CUX1: variants seen among roughly 807,000 people sequenced by gnomAD.
CUX1 encodes cut like homeobox 1, also known as protein CASP.
A neutral mutation model predicts 158.8 loss-of-function variants in CUX1; 31 were observed. That is an observed-to-expected ratio of 0.20 (90% CI 0.15 to 0.26). The LOEUF is 0.26. CUX1 is among the 10% of genes least tolerant of loss of function. CUX1 has a pLI of 1.00. For missense variants in CUX1, 1,589 were observed against 2,014.6 expected (o/e 0.79, Z 4.04); for synonymous variants, 879 against 862.1 (o/e 1.02, Z -0.34).
At chr7:102,035,652 C>CA (rs10699446) in intron 3 of CUX1, among the ~76,000 whole-genome samples, 33,370 of 90,572 alleles carry the variant, frequency 0.37, 7,940 homozygotes, top group East Asian at 0.92. Flanking sequence ...GATAGCCAGC[C>CA]AAAAAAAAAA....
chr7:101,913,071 C>T (rs1053498798), intron 1 of CUX1: 7 of 171,178 alleles, frequency 4.1e-5, no homozygotes, highest in African/African-American at 1.7e-4. Context: ...ATCGCTGTCT[C>T]CTCCCACAGC....
intron 3 of CUX1, among the ~76,000 whole-genome samples, chr7:102,058,377 G>A (rs59016996): frequency 0.061 from 9,287 of 152,086 alleles, 888 homozygotes; most frequent in African/African-American, 0.21. Flanking sequence ...GGGTTCAAGC[G>A]ATTCTCATGC....
At chr7:102,229,069 T>C (rs1048897161) in intron 21 of CUX1, among the ~76,000 whole-genome samples, 1 of 152,206 alleles carries the variant, frequency 6.6e-6, no homozygotes, top group African/African-American at 2.4e-5. Flanking sequence ...ATTGTTATTT[T>C]ATCATTGCTG....
rs757558113 is a variant in CUX1 at position 102,255,669 on chromosome 7, G to A, written c.*6627G>A. 4.5e-4 allele frequency: 444 copies of A among 985,138 alleles called. No individual in the cohort carries two copies. The highest frequency in any genetic ancestry group is 5.2e-4 in the Middle Eastern group (1 of 1,936). The allele number at this position is 985,138 out of a possible 1,614,324, so 61.0% of individuals were successfully genotyped here. ...AAGGTGCCTTATATCCCAATGTCAC[G>A]GCTACATCCCTATGGAAATTAATCA... On this transcript the variant is annotated 3_prime_UTR_variant, in exon 24 of 24. Transcript: ENST00000292535.
At chr7:102,168,918 CTTTTCTTTTCTTTTATTTTCT>C (rs1791385087) in intron 9 of CUX1, among the ~76,000 whole-genome samples, 1 of 84,136 alleles carries the variant, frequency 1.2e-5, no homozygotes, top group Non-Finnish European at 2.3e-5. Flanking sequence ...CTTTTATTTT[CTTTTCTTTTCTTTTATTTTCT>C]TTTTTTTTTT....
intron 2 of CUX1, among the ~76,000 whole-genome samples, chr7:102,008,247 TC>T (rs2129290103): frequency 6.6e-6 from 1 of 152,260 alleles, no homozygotes; most frequent in Admixed American, 6.5e-5. Flanking sequence ...TGGGAGCCTG[TC>T]CCCGCTGGCC....
chr7:102,283,342 C>G, exon 23 of CUX1: 1 of 540,912 alleles, frequency 1.8e-6, no homozygotes, highest in East Asian at 3.1e-5. Flanking sequence ...TCTCAGCCCC[C>G]ACCTCAGGTT....
chr7:102,223,052 C>T (rs565891515), intron 20 of CUX1, among the ~76,000 whole-genome samples: 60 of 151,382 alleles, frequency 4.0e-4, no homozygotes, highest in African/African-American at 1.4e-3. Context: ...GATCTGCCCA[C>T]CTCAGCCTCC....
chr7:101,942,804 C>T (rs998395631), intron 2 of CUX1, among the ~76,000 whole-genome samples: 7 of 152,216 alleles, frequency 4.6e-5, no homozygotes, highest in African/African-American at 1.4e-4. Context: ...GCTCCTCCAC[C>T]GACTGCTCCA....
rs564814784 is a variant in CUX1, at chr7:102,098,060, G to A, written c.406+559G>A. 3.3e-5 allele frequency among the ~76,000 whole-genome samples: 5 copies of A among 152,352 alleles called. No homozygotes were observed. In the East Asian group the frequency reaches 7.7e-4, roughly 24 times the overall value. On this transcript the variant is annotated intron_variant, in intron 5 of 23. Coordinates refer to ENST00000292535, the MANE Select transcript of CUX1 (RefSeq NM_181552.4). Reference sequence around the variant, plus strand: ...GGGCAAAGGTTGCCTGGCTTTTCCCGTCAGGGAAGAACAAAGGAATCTCTC... The same window carrying A: ...GGGCAAAGGTTGCCTGGCTTTTCCCATCAGGGAAGAACAAAGGAATCTCTC...
At chr7:101,840,486 A>G (rs1327549455) in intron 1 of CUX1, among the ~76,000 whole-genome samples, 3 of 152,214 alleles carry the variant, frequency 2.0e-5, no homozygotes, top group Admixed American at 6.5e-5. Flanking sequence ...AAACCTATTC[A>G]TGTCCATGCA....
chr7:101,984,512 A>G (rs1159288466), intron 2 of CUX1, among the ~76,000 whole-genome samples: 2 of 151,698 alleles, frequency 1.3e-5, no homozygotes, highest in Admixed American at 6.6e-5. Context: ...AAAAAAAAAA[A>G]AAAAGTGCTT....
intron 4 of CUX1, among the ~76,000 whole-genome samples, chr7:102,073,186 T>TC (rs1554475512): frequency 4.1e-5 from 5 of 123,402 alleles, no homozygotes; most frequent in Middle Eastern, 8.4e-3. Context: ...TTTTTTTTTT[T>TC]TTTCTGAGAC....
chr7:102,089,084 T>C (rs1448536494), intron 4 of CUX1, among the ~76,000 whole-genome samples: 1 of 152,236 alleles, frequency 6.6e-6, no homozygotes, highest in African/African-American at 2.4e-5. Flanking sequence ...TATCTTTAAA[T>C]TCACTGATCT....
At chr7:102,172,002 T>C (rs903274178) in intron 10 of CUX1, among the ~76,000 whole-genome samples, 1 of 152,106 alleles carries the variant, frequency 6.6e-6, no homozygotes, top group African/African-American at 2.4e-5. Context: ...TTGCAGAGAG[T>C]ACAGTCTCAT....
At chr7:101,817,317 C>G, upstream of CUX1, 2 of 984,682 alleles carry the variant, frequency 2.0e-6, no homozygotes, top group Non-Finnish European at 2.4e-6. This position sits in a 1 kb window ranked among gnomAD's most constrained non-coding sequence, Gnocchi z 4.1. Context: ...CTCGGGGCTT[C>G]TGCCCTCTCT....
intron 2 of CUX1, among the ~76,000 whole-genome samples, chr7:102,002,552 G>T (rs138607461): frequency 1.3e-5 from 2 of 152,174 alleles, no homozygotes; most frequent in African/African-American, 4.8e-5. Flanking sequence ...CGAGAGTTCC[G>T]AGTGGCCAGT....
intron 1 of CUX1, among the ~76,000 whole-genome samples, chr7:101,852,799 C>T (rs1796412019): frequency 6.6e-6 from 1 of 151,112 alleles, no homozygotes; most frequent in Non-Finnish European, 1.5e-5. Context: ...GTCTCTGCCT[C>T]CCAAGTAGCT....
At chr7:102,237,848 G>A (rs1799741445) in intron 22 of CUX1, among the ~76,000 whole-genome samples, 1 of 152,242 alleles carries the variant, frequency 6.6e-6, no homozygotes, top group Non-Finnish European at 1.5e-5. Flanking sequence ...GGCAGGATAA[G>A]GAGAGTGAAC....
Sources: allele counts gnomAD v4.1 joint callset (sites outside exome capture counted in the v4.1 genomes callset), GRCh38; gene constraint gnomAD v4.1.1; non-coding constraint Gnocchi (gnomAD v3.1); transcripts MANE v1.5; gene names NCBI Gene and HGNC (gene_info 2026-07-23, HGNC 2026-07-21).